Variants in CDH13 observed in about 807,000 individuals in gnomAD.
The protein encoded by CDH13 is cadherin-13.
In CDH13, 24 loss-of-function variants were observed where a neutral mutation model predicts 63.8. The observed-to-expected ratio is 0.38, with a 90% CI of 0.27 to 0.53. The LOEUF (loss-of-function observed/expected upper bound fraction) is 0.53. Ranked by LOEUF, CDH13 falls within the 20% of genes least tolerant of loss-of-function variation. The probability of loss-of-function intolerance (pLI) is 0.85; values close to 1 mark genes in which losing one functional copy is unlikely to be tolerated. For missense variants in CDH13, 1,049 were observed against 903.1 expected, an observed-to-expected ratio of 1.16 and a Z score of -2.07; for synonymous variants, 503 against 355.3, an observed-to-expected ratio of 1.42 and a Z score of -4.67.
rs535177238 is a variant in CDH13 at position 82,822,005 on chromosome 16, A to G, written c.46-36357A>G. Among the ~76,000 whole-genome samples, 3 of 152,330 alleles carry G rather than the reference A, an allele frequency of 2.0e-5. No homozygotes were observed. In the South Asian group the frequency reaches 6.2e-4, roughly 32 times the overall value. ...CCATAGAACCAAAAGGGTCTTCCTT[A>G]GTAATGCCTATGGCTATTGGGTATT... On this transcript the variant is annotated intron_variant, in intron 1 of 13. Transcript: ENST00000567109.
chr16:82,651,961 G>A lies in CDH13; in HGVS notation c.45+24824G>A, dbSNP rs7190524. ...GACTGAGAATTCAGGAAGGGCCAGC[G>A]CCATCCAATCAGAACAAGTTGGAGC... is the stretch of plus-strand genomic sequence containing the variant. On this transcript the variant is annotated intron_variant, in intron 1 of 13. Transcript: ENST00000567109. 5.6e-3 allele frequency among the ~76,000 whole-genome samples: 850 copies of A among 152,302 alleles called. 12 individuals carry two copies. Among genetic ancestry groups the A allele is most frequent in the African/African-American group, 0.02 (811 of 41,558 alleles).
At chr16:83,580,477 TC>T (rs1905474728) in intron 7 of CDH13, among the ~76,000 whole-genome samples, 3 of 111,564 alleles carry the variant, frequency 2.7e-5, no homozygotes, top group African/African-American at 9.5e-5. Flanking sequence ...TCTCTCTCTC[TC>T]TCTCTCTCTC....
At chr16:83,554,123 T>C (rs2075560371) in intron 7 of CDH13, among the ~76,000 whole-genome samples, 1 of 152,216 alleles carries the variant, frequency 6.6e-6, no homozygotes, top group Admixed American at 6.5e-5. Context: ...CATTTCTGTC[T>C]GTGAATCTTT....
intron 4 of CDH13, among the ~76,000 whole-genome samples, chr16:83,203,000 A>G (rs2039075958): frequency 6.6e-6 from 1 of 151,194 alleles, no homozygotes; most frequent in Non-Finnish European, 1.5e-5. Flanking sequence ...CCAAGGTGGG[A>G]AGATCACCTG....
chr16:83,429,963 G>T (rs895416107), intron 6 of CDH13, among the ~76,000 whole-genome samples: 7 of 152,010 alleles, frequency 4.6e-5, no homozygotes, highest in African/African-American at 1.4e-4. Flanking sequence ...CCTCCCTTCA[G>T]CCCCTGGCAA....
chr16:82,652,986 T>C (rs1910903015), intron 1 of CDH13, among the ~76,000 whole-genome samples: 1 of 152,214 alleles, frequency 6.6e-6, no homozygotes. Context: ...TTGTAGAAGT[T>C]GGGGGTAAAC....
chr16:82,830,035 A>G (rs2038456830), intron 1 of CDH13, among the ~76,000 whole-genome samples: 1 of 152,182 alleles, frequency 6.6e-6, no homozygotes, highest in African/African-American at 2.4e-5. Flanking sequence ...CATTTCATAG[A>G]TATATCTCAT....
intron 3 of CDH13, among the ~76,000 whole-genome samples, chr16:83,067,592 C>T (rs1181503874): frequency 6.6e-6 from 1 of 152,126 alleles, no homozygotes; most frequent in Non-Finnish European, 1.5e-5. Flanking sequence ...GATCGAAGAA[C>T]CTCACTGAAT....
chr16:82,872,860 C>A (rs567395163), intron 2 of CDH13, among the ~76,000 whole-genome samples: 1 of 152,172 alleles, frequency 6.6e-6, no homozygotes, highest in Non-Finnish European at 1.5e-5. Flanking sequence ...TTTTGCCAGA[C>A]CCTGTGCTAA....
intron 4 of CDH13, among the ~76,000 whole-genome samples, chr16:83,129,827 C>T (rs1029233314): frequency 6.6e-6 from 1 of 152,242 alleles, no homozygotes; most frequent in African/African-American, 2.4e-5. Flanking sequence ...GGACAGGGCA[C>T]TGATCCCTTC....
intron 6 of CDH13, among the ~76,000 whole-genome samples, chr16:83,448,648 G>T (rs564405473): frequency 6.6e-6 from 1 of 152,134 alleles, no homozygotes; most frequent in Non-Finnish European, 1.5e-5. Context: ...TCTTCATGAT[G>T]ATTTATAGAA....
At chr16:82,744,198 C>G (rs62034479) in intron 1 of CDH13, among the ~76,000 whole-genome samples, 1 of 152,044 alleles carries the variant, frequency 6.6e-6, no homozygotes, top group Non-Finnish European at 1.5e-5. Context: ...TCAGGATATA[C>G]CCAGGAAGCA....
intron 11 of CDH13, among the ~76,000 whole-genome samples, chr16:83,760,723 A>C (rs1913897146): frequency 6.6e-6 from 1 of 152,226 alleles, no homozygotes; most frequent in Non-Finnish European, 1.5e-5. Flanking sequence ...AGATTGTGAA[A>C]ATTCTTCAAA....
rs1904275851 is a variant in CDH13, at chr16:83,795,198, C to T, written c.*168C>T. The T allele has an allele frequency of 1.8e-6, 1 of 569,180 alleles. No homozygotes were observed. The highest frequency in any genetic ancestry group is 2.9e-5 in the East Asian group (1 of 34,550). The allele number at this position is 569,180 out of a possible 1,614,324, so 35.3% of individuals were successfully genotyped here. A position where few individuals can be genotyped will look rare whatever the true frequency, so the allele number is the denominator to read the frequency against. ...CAATTTCACTTAGTCTGTACTTCAT[C>T]ATTTTGACAGCATCTTCCTCCCTCC... On this transcript the variant is annotated 3_prime_UTR_variant, in exon 14 of 14. Transcript: ENST00000567109.
At chr16:82,864,675 G>C (rs1156839760) in intron 2 of CDH13, among the ~76,000 whole-genome samples, 1 of 152,206 alleles carries the variant, frequency 6.6e-6, no homozygotes, top group African/African-American at 2.4e-5. Context: ...TACAATTCAA[G>C]ATGAGATCTG....
intron 11 of CDH13, among the ~76,000 whole-genome samples, chr16:83,768,836 T>C (rs1402357433): frequency 6.6e-6 from 1 of 152,064 alleles, no homozygotes; most frequent in African/African-American, 2.4e-5. Flanking sequence ...GTTTTAGCCG[T>C]CTTCTTTATT....
intron 1 of CDH13, among the ~76,000 whole-genome samples, chr16:82,786,111 G>A (rs1751395373): frequency 6.6e-6 from 1 of 152,114 alleles, no homozygotes; most frequent in Non-Finnish European, 1.5e-5. Context: ...TGATCAGAAT[G>A]AGTTAGGGTG....
At chr16:83,329,563 G>A (rs559320749) in intron 5 of CDH13, among the ~76,000 whole-genome samples, 2 of 152,160 alleles carry the variant, frequency 1.3e-5, no homozygotes, top group South Asian at 2.1e-4. Context: ...ACATAAAATC[G>A]ATCAGCTTCA....
chr16:82,794,655 G>A (rs954039908), intron 1 of CDH13, among the ~76,000 whole-genome samples: 2 of 152,088 alleles, frequency 1.3e-5, no homozygotes, highest in Admixed American at 1.3e-4. Flanking sequence ...CTCTTTGACT[G>A]AAATGAATAG....
Sources: allele counts gnomAD v4.1 joint callset (sites outside exome capture counted in the v4.1 genomes callset), GRCh38; gene constraint gnomAD v4.1.1; transcripts MANE v1.5; gene names NCBI Gene and HGNC (gene_info 2026-07-23, HGNC 2026-07-21).